The following CNTN5 variants were observed in gnomAD, a reference collection of about 807,000 sequenced individuals.
CNTN5 encodes contactin-5.
CNTN5 carries 77 observed loss-of-function variants against 129.1 expected under a neutral mutation model. The observed-to-expected ratio is 0.60, with a 90% CI of 0.50 to 0.72. The LOEUF (loss-of-function observed/expected upper bound fraction) is 0.72. CNTN5 is among the 30% of genes least tolerant of loss of function. CNTN5 has a pLI of 0.00. For synonymous variants in CNTN5, 509 were observed against 465.6 expected, an observed-to-expected ratio of 1.09 and a Z score of -1.20; for missense variants, 1,478 against 1,328.8, an observed-to-expected ratio of 1.11 and a Z score of -1.75.
rs139565095 is a variant in CNTN5, at chr11:99,768,726, T to G, written c.56-50818T>G. The stretch of plus-strand genomic sequence containing the variant: ...CATACAGAAGGACTCACAATGCCAG[T>G]TTGTCCTATAATTGGTGACACTAAG... On this transcript the variant is annotated intron_variant, in intron 3 of 24. Transcript: ENST00000524871. Among the ~76,000 whole-genome samples the G allele has an allele frequency of 1.3e-3, 194 of 152,242 alleles. 1 individual carries two copies. The highest frequency in any genetic ancestry group is 4.6e-3 in the African/African-American group (190 of 41,566).
chr11:99,684,110 G>C (rs1024335683), intron 3 of CNTN5, among the ~76,000 whole-genome samples: 4 of 151,606 alleles, frequency 2.6e-5, no homozygotes, highest in African/African-American at 9.7e-5. Flanking sequence ...ACCCCCGTCT[G>C]GTAACCACAC....
At chr11:100,091,696 G>A (rs927843346) in intron 13 of CNTN5, among the ~76,000 whole-genome samples, 1 of 151,624 alleles carries the variant, frequency 6.6e-6, no homozygotes, top group African/African-American at 2.4e-5. Flanking sequence ...CAAAGTGCTG[G>A]GATTACAGGT....
Position 99,790,590 on chromosome 11 carries a change from G to A in CNTN5, c.56-28954G>A, listed in dbSNP as rs1945705574. ...TCTACCATTCATGGGAATTTAGGTT[G>A]ACTCCGTGTCTTTAATATTGTGAAT... On this transcript the variant is annotated intron_variant, in intron 3 of 24. Transcript: ENST00000524871. Among the ~76,000 whole-genome samples, 3 of 152,070 alleles carry A rather than the reference G, an allele frequency of 2.0e-5. No individual in the cohort carries two copies. The South Asian group carries it at 6.2e-4, about 31-fold the overall frequency.
chr11:99,182,871 T>C (rs1422908457), intron 1 of CNTN5, among the ~76,000 whole-genome samples: 2 of 152,076 alleles, frequency 1.3e-5, no homozygotes, highest in Non-Finnish European at 2.9e-5. Flanking sequence ...ATTAACATAA[T>C]TTAAAATATA....
At chr11:100,205,027 C>A (rs1948884827) in intron 15 of CNTN5, among the ~76,000 whole-genome samples, 1 of 151,760 alleles carries the variant, frequency 6.6e-6, no homozygotes, top group Admixed American at 6.6e-5. Flanking sequence ...AAGATTGTTC[C>A]TATTATTTAA....
At chr11:100,200,173 T>A (rs1241078399) in intron 15 of CNTN5, among the ~76,000 whole-genome samples, 1 of 151,918 alleles carries the variant, frequency 6.6e-6, no homozygotes, top group Non-Finnish European at 1.5e-5. Flanking sequence ...TTCCTATGGG[T>A]CACAGGGCAG....
chr11:99,714,172 C>T (rs1368742286), intron 3 of CNTN5, among the ~76,000 whole-genome samples: 1 of 151,842 alleles, frequency 6.6e-6, no homozygotes, highest in Admixed American at 6.6e-5. Flanking sequence ...TTTAATATGG[C>T]TACACAGAAA....
chr11:99,643,134 C>A (rs1481403476), intron 3 of CNTN5, among the ~76,000 whole-genome samples: 2 of 152,030 alleles, frequency 1.3e-5, no homozygotes, highest in Non-Finnish European at 2.9e-5. Flanking sequence ...TGGATTATCT[C>A]ATACAAAACT....
At chr11:99,874,086 G>T (rs1261469646) in intron 6 of CNTN5, among the ~76,000 whole-genome samples, 1 of 152,030 alleles carries the variant, frequency 6.6e-6, no homozygotes. Flanking sequence ...ATGGGGATTT[G>T]AAAAATTACC....
intron 20 of CNTN5, among the ~76,000 whole-genome samples, chr11:100,301,801 G>T (rs2138898789): frequency 6.6e-6 from 1 of 151,682 alleles, no homozygotes; most frequent in African/African-American, 2.4e-5. Flanking sequence ...CTTTAAAAAT[G>T]AAGGTCTCAA....
At chr11:99,851,283 A>G (rs1444131391) in intron 6 of CNTN5, among the ~76,000 whole-genome samples, 1 of 152,308 alleles carries the variant, frequency 6.6e-6, no homozygotes, top group South Asian at 2.1e-4. Context: ...ACTGGTTTTT[A>G]AGGTTAAAAT....
At chr11:99,937,345 G>A (rs1950337423) in intron 7 of CNTN5, among the ~76,000 whole-genome samples, 1 of 152,172 alleles carries the variant, frequency 6.6e-6, no homozygotes, top group Admixed American at 6.5e-5. Context: ...CTTACACATT[G>A]CAAAAAGGCA....
At chr11:99,303,492 CTAGCTTG>C (rs954704420) in intron 1 of CNTN5, among the ~76,000 whole-genome samples, 1 of 150,502 alleles carries the variant, frequency 6.6e-6, no homozygotes, top group Non-Finnish European at 1.5e-5. Context: ...ATAATTATAT[CTAGCTTG>C]TGACCTACCA....
chr11:99,679,348 T>G (rs945548057), intron 3 of CNTN5, among the ~76,000 whole-genome samples: 3 of 151,966 alleles, frequency 2.0e-5, no homozygotes, highest in African/African-American at 7.2e-5. Flanking sequence ...TTGAAGGTTG[T>G]GATAACCCTG....
chr11:99,419,051 A>G (rs1435615075), intron 2 of CNTN5, among the ~76,000 whole-genome samples: 1 of 152,198 alleles, frequency 6.6e-6, no homozygotes, highest in African/African-American at 2.4e-5. Context: ...TCAAGTTTCT[A>G]CATAATACAG....
intron 1 of CNTN5, among the ~76,000 whole-genome samples, chr11:99,233,231 C>T (rs1244494505): frequency 6.6e-6 from 1 of 152,158 alleles, no homozygotes; most frequent in Non-Finnish European, 1.5e-5. Context: ...GATAAATATG[C>T]CATTCACTTG....
intron 8 of CNTN5, among the ~76,000 whole-genome samples, chr11:99,973,965 T>C (rs188995073): frequency 6.6e-5 from 10 of 152,176 alleles, no homozygotes; most frequent in Non-Finnish European, 1.3e-4. Flanking sequence ...TGAGAGGTAA[T>C]TCAGTTATAC....
chr11:100,054,953 A>AAAG (rs36027973), intron 9 of CNTN5, among the ~76,000 whole-genome samples: 121,124 of 148,920 alleles, frequency 0.81, 50,032 homozygotes, highest in East Asian at 1. Flanking sequence ...CTGCCCAACA[A>AAAG]AAGAGTAGAG....
chr11:99,552,156 C>T (rs1948508039), intron 2 of CNTN5, among the ~76,000 whole-genome samples: 1 of 151,428 alleles, frequency 6.6e-6, no homozygotes, highest in Non-Finnish European at 1.5e-5. Context: ...GATCTGCCTG[C>T]CTTGCCTCCC....
Sources: gnomAD v4.1 joint callset for allele counts (sites outside exome capture counted in the v4.1 genomes callset) on GRCh38, gnomAD v4.1.1 for gene constraint, MANE v1.5 for transcripts, NCBI Gene and HGNC (gene_info 2026-07-23, HGNC 2026-07-21) for gene names.